Variants in EIF3CL observed in about 807,000 individuals in gnomAD.
The protein encoded by EIF3CL is eukaryotic translation initiation factor 3 subunit C-like protein.
For synonymous variants in EIF3CL, 2 were observed against 19.6 expected (o/e 0.10, Z 2.37); for missense variants, 5 against 56.1 (o/e 0.09, Z 2.91).
At chr16:28,424,154 AT>A in the EIF3CL span, among the ~76,000 whole-genome samples, 1 of 138,720 alleles carries the variant, frequency 7.2e-6, no homozygotes, top group Non-Finnish European at 1.6e-5. Flanking sequence ...CACCCAGCTA[AT>A]TTTTTTGTAT....
At chr16:28,414,798 G>A in the EIF3CL span, 4 of 465,868 alleles carry the variant, frequency 8.6e-6, 1 homozygote, top group Admixed American at 5.0e-5. Context: ...TGGAGGTGAC[G>A]AGTTCCCCCT....
At chr16:28,417,663 A>C in the EIF3CL span, among the ~76,000 whole-genome samples, 2 of 99,128 alleles carry the variant, frequency 2.0e-5, no homozygotes, top group African/African-American at 7.1e-5. Context: ...TCAAGTAATC[A>C]GGGACACAAA....
intron 2 of EIF3CL, among the ~76,000 whole-genome samples, chr16:28,403,102 T>C (rs2045667009): frequency 6.9e-6 from 1 of 144,376 alleles, no homozygotes; most frequent in African/African-American, 2.5e-5. Context: ...TTTAAGCACC[T>C]GCGTACACAG....
chr16:28,421,715 A>G, the EIF3CL span, among the ~76,000 whole-genome samples: 1 of 69,608 alleles, frequency 1.4e-5, no homozygotes, highest in Non-Finnish European at 2.9e-5. Flanking sequence ...CAGCTACTTG[A>G]TGCTCAGTAT....
At chr16:28,418,669 G>T in the EIF3CL span, among the ~76,000 whole-genome samples, 3 of 151,230 alleles carry the variant, frequency 2.0e-5, no homozygotes, top group East Asian at 5.9e-4. Flanking sequence ...TCGCTCTTTT[G>T]CCTAGGCTGG....
chr16:28,425,040 CTTTT>C, the EIF3CL span, among the ~76,000 whole-genome samples: 2 of 3,046 alleles, frequency 6.6e-4, no homozygotes, highest in African/African-American at 9.6e-4. Context: ...GTTCTTGGAA[CTTTT>C]TTTTTTTTTT....
the EIF3CL span, among the ~76,000 whole-genome samples, chr16:28,415,416 A>G: frequency 1.5e-5 from 2 of 133,310 alleles, no homozygotes; most frequent in Non-Finnish European, 3.1e-5. Flanking sequence ...CTATTTGGCA[A>G]ACAGCAATGA....
chr16:28,384,106 G>A (rs1263033582), intron 15 of EIF3CL, among the ~76,000 whole-genome samples: 1 of 33,908 alleles, frequency 2.9e-5, no homozygotes, highest in African/African-American at 7.1e-5. Flanking sequence ...GGGAAAAGAT[G>A]CCACCACAAG....
intron 15 of EIF3CL, among the ~76,000 whole-genome samples, chr16:28,387,751 A>G (rs907038279): frequency 5.9e-5 from 8 of 135,938 alleles, no homozygotes; most frequent in African/African-American, 2.2e-4. Context: ...CTACACTTCC[A>G]GACACAGCTT....
the EIF3CL span, among the ~76,000 whole-genome samples, chr16:28,418,660 C>T: frequency 1.1e-4 from 17 of 151,284 alleles, no homozygotes; most frequent in Non-Finnish European, 1.8e-4. Flanking sequence ...GACACAGTTT[C>T]GCTCTTTTGC....
upstream of EIF3CL, among the ~76,000 whole-genome samples, chr16:28,405,894 CACACACAT>C (rs1220876043): frequency 1.3e-3 from 78 of 61,788 alleles, no homozygotes; most frequent in Non-Finnish European, 2.1e-3. Flanking sequence ...CACACACACA[CACACACAT>C]ACACACACAC....
chr16:28,421,895 C>A, the EIF3CL span, among the ~76,000 whole-genome samples: 1 of 109,470 alleles, frequency 9.1e-6, no homozygotes, highest in Non-Finnish European at 1.9e-5. Flanking sequence ...ATGGTTTAAT[C>A]ACTTGAGATG....
chr16:28,414,912 C>T, the EIF3CL span: 25 of 516,366 alleles, frequency 4.8e-5, 2 homozygotes, highest in African/African-American at 1.3e-4. Flanking sequence ...CGCCGGCCTC[C>T]GGGTCCCCAA....
At chr16:28,417,513 T>G in the EIF3CL span, among the ~76,000 whole-genome samples, 3 of 117,296 alleles carry the variant, frequency 2.6e-5, no homozygotes, top group African/African-American at 9.4e-5. Context: ...ATCTGTGACC[T>G]TACCCCCAAC....
the EIF3CL span, among the ~76,000 whole-genome samples, chr16:28,424,034 C>A: frequency 6.8e-5 from 10 of 147,174 alleles, no homozygotes; most frequent in South Asian, 2.2e-3. Context: ...GTTGCCCAGG[C>A]TGGAGTGCAG....
the EIF3CL span, among the ~76,000 whole-genome samples, chr16:28,416,800 GT>G: frequency 2.6e-4 from 25 of 94,812 alleles, no homozygotes; most frequent in South Asian, 5.8e-4. Flanking sequence ...CGTCCGGGAG[GT>G]GAGGGGCGCC....
the EIF3CL span, among the ~76,000 whole-genome samples, chr16:28,423,833 A>ATTT: frequency 1.9e-5 from 2 of 102,778 alleles, no homozygotes; most frequent in African/African-American, 6.4e-5. Flanking sequence ...ATATATATAT[A>ATTT]TTTTTTGAGA....
At chr16:28,414,899 C>T in the EIF3CL span, 84 of 518,020 alleles carry the variant, frequency 1.6e-4, 7 homozygotes, top group Non-Finnish European at 2.7e-4. Context: ...AACAGTGTAT[C>T]GACGCCGGCC....
At chr16:28,385,948 C>T (rs2045598691) in intron 15 of EIF3CL, among the ~76,000 whole-genome samples, 1 of 2,370 alleles carries the variant, frequency 4.2e-4, no homozygotes, top group African/African-American at 2.0e-3. Flanking sequence ...CTGGGCCGGG[C>T]GCAGTGGCTC....
Sources: allele counts gnomAD v4.1 joint callset (sites outside exome capture counted in the v4.1 genomes callset), GRCh38; gene constraint gnomAD v4.1.1; transcripts MANE v1.5; gene names NCBI Gene and HGNC (gene_info 2026-07-23, HGNC 2026-07-21).